NFATC1: variants seen among roughly 807,000 people sequenced by gnomAD.
NFATC1 encodes nuclear factor of activated T cells 1, also known as nuclear factor of activated T-cells, cytoplasmic 1.
NFATC1 carries 22 observed loss-of-function variants against 76.0 expected under a neutral mutation model. That is an observed-to-expected ratio of 0.29 (90% CI 0.21 to 0.41). The LOEUF is 0.41. Among genes scored for constraint, NFATC1 ranks in the 10% least tolerant of loss-of-function variants. NFATC1 has a pLI of 1.00. For synonymous variants in NFATC1, 704 were observed against 613.1 expected (o/e 1.15, Z -2.19); for missense variants, 1,357 against 1,337.7 (o/e 1.01, Z -0.23).
At chr18:79,415,338 A>G (rs2085840523) in intron 2 of NFATC1, among the ~76,000 whole-genome samples, 1 of 152,160 alleles carries the variant, frequency 6.6e-6, no homozygotes, top group South Asian at 2.1e-4. Context: ...ACTGGAGTGC[A>G]GTGGCACAAT....
chr18:79,490,147 C>T (rs1286387214), intron 9 of NFATC1, among the ~76,000 whole-genome samples: 1 of 152,190 alleles, frequency 6.6e-6, no homozygotes, highest in Non-Finnish European at 1.5e-5. Context: ...CACAGGCAGG[C>T]AGGCGGGGCG....
At chr18:79,484,404 C>T (rs2089435152) in intron 8 of NFATC1, among the ~76,000 whole-genome samples, 1 of 152,118 alleles carries the variant, frequency 6.6e-6, no homozygotes, top group Non-Finnish European at 1.5e-5. Context: ...TTCCTGCCTC[C>T]TGGACGTCCC....
At chr18:79,519,402 A>C (rs2090459610) in intron 9 of NFATC1, among the ~76,000 whole-genome samples, 1 of 152,036 alleles carries the variant, frequency 6.6e-6, no homozygotes, top group African/African-American at 2.4e-5. Context: ...GTACAATCTC[A>C]GCTCACTGCA....
intron 9 of NFATC1, among the ~76,000 whole-genome samples, chr18:79,511,326 C>T (rs140001588): frequency 4.5e-4 from 69 of 152,284 alleles, no homozygotes; most frequent in African/African-American, 1.5e-3. Flanking sequence ...CCGCTGCTTC[C>T]GCGTTGGGAG....
At chr18:79,475,533 A>G (rs181686070) in intron 8 of NFATC1, among the ~76,000 whole-genome samples, 1,987 of 135,802 alleles carry the variant, frequency 0.015, 76 homozygotes, top group African/African-American at 0.053. Context: ...CACCGTCGAC[A>G]CTGTAAACCT....
At chr18:79,412,961 G>A (rs1342495418) in intron 2 of NFATC1, among the ~76,000 whole-genome samples, 2 of 152,136 alleles carry the variant, frequency 1.3e-5, no homozygotes, top group Non-Finnish European at 2.9e-5. Context: ...GTCAGGACCC[G>A]GATTGTATTT....
Position 79,396,171 on chromosome 18 carries a change from G to A in NFATC1, c.-54G>A, listed in dbSNP as rs74183647. The A allele has an allele frequency of 1.4e-5, 20 of 1,398,016 alleles. No homozygotes were observed. The highest frequency in any genetic ancestry group is 1.9e-5 in the Non-Finnish European group (20 of 1,063,564). The allele number at this position is 1,398,016 out of a possible 1,614,324, so 86.6% of individuals were successfully genotyped here. On this transcript the variant is annotated 5_prime_UTR_variant, in exon 1 of 10. Transcript: ENST00000427363. ...GACCCGACCCCGGCAGCGCGGGGCG[G>A]CCGCTTCTCCTGTGCCTCCGCCCGC...
intron 9 of NFATC1, among the ~76,000 whole-genome samples, chr18:79,511,641 C>T (rs965104355): frequency 6.6e-6 from 1 of 152,174 alleles, no homozygotes; most frequent in Non-Finnish European, 1.5e-5. Flanking sequence ...CGCCAGGACA[C>T]GTCTGCGCCC....
intron 2 of NFATC1, among the ~76,000 whole-genome samples, chr18:79,415,872 G>C (rs1354922881): frequency 2.0e-5 from 3 of 151,976 alleles, no homozygotes; most frequent in Non-Finnish European, 2.9e-5. Flanking sequence ...GACCAGCCTG[G>C]CCAAATTGGC....
At position 79,506,264 on chromosome 18, in the gene NFATC1, G is replaced by A. The variant is rs549731159; in HGVS notation, c.2782+19327G>A. The stretch of plus-strand genomic sequence containing the variant: ...GTGGAGAGGAACAGTGGTCTCGGCC[G>A]AGCAGCGGCTGTGGGCACCTGCGTG... On this transcript the variant is annotated intron_variant, in intron 9 of 9. Coordinates refer to ENST00000427363, the MANE Select transcript of NFATC1 (RefSeq NM_001278669.2). Among the ~76,000 whole-genome samples, 42 of 152,314 alleles carry A rather than the reference G, an allele frequency of 2.8e-4. No individual in the cohort carries two copies. In the South Asian group the frequency reaches 5.0e-3, roughly 18 times the overall value.
intron 8 of NFATC1, among the ~76,000 whole-genome samples, chr18:79,481,874 TTCCTGGGGTGTCATTCCAGCGTGACCTGG>T (rs2089285544): frequency 6.7e-6 from 1 of 149,092 alleles, no homozygotes; most frequent in East Asian, 2.0e-4. Context: ...CGCGACCTTG[TTCCTGGGGTGTCATTCCAGCGTGACCTGG>T]TCCTGGGGTG....
chr18:79,451,330 G>T (rs940764644), intron 5 of NFATC1, among the ~76,000 whole-genome samples: 5 of 152,274 alleles, frequency 3.3e-5, no homozygotes, highest in Admixed American at 1.3e-4. Flanking sequence ...CCTGGCGCTG[G>T]CTCCTCTGAT....
chr18:79,428,347 C>T (rs989139244), intron 2 of NFATC1, among the ~76,000 whole-genome samples: 1 of 152,210 alleles, frequency 6.6e-6, no homozygotes, highest in African/African-American at 2.4e-5. Flanking sequence ...AAGATGCAAA[C>T]AGCAGGCCAG....
intron 9 of NFATC1, among the ~76,000 whole-genome samples, chr18:79,515,356 A>AAAAAT (rs2090353431): frequency 1.3e-5 from 2 of 150,886 alleles, no homozygotes; most frequent in Non-Finnish European, 3.0e-5. Context: ...AAAAAAAAAA[A>AAAAAT]AAGAAGGAAG....
In NFATC1 at chr18:79,414,007, G is replaced by C. The variant is rs1386098902; in HGVS notation, c.1226+2506G>C. Among the ~76,000 whole-genome samples the C allele has an allele frequency of 3.9e-5, 6 of 152,168 alleles. No individual in the cohort carries two copies. The East Asian group carries it at 9.6e-4, about 24-fold the overall frequency. ...AAATATGTCCCAAACTCGCTCCTGG[G>C]GTTTGCAGTTAACCTTTTCCCACTG... On this transcript the variant is annotated intron_variant, in intron 2 of 9. Coordinates refer to ENST00000427363, the MANE Select transcript of NFATC1 (RefSeq NM_001278669.2).
At chr18:79,452,838 A>AT (rs1429818904) in intron 6 of NFATC1, among the ~76,000 whole-genome samples, 2 of 152,002 alleles carry the variant, frequency 1.3e-5, no homozygotes, top group African/African-American at 4.8e-5. Context: ...GTTTTGTGAT[A>AT]TTTTTTTCCT....
intron 2 of NFATC1, among the ~76,000 whole-genome samples, chr18:79,423,605 G>A (rs2086177773): frequency 6.6e-6 from 1 of 152,170 alleles, no homozygotes. Flanking sequence ...CTGGACCTGG[G>A]ACTGCCTGGG....
At chr18:79,397,781 G>C (rs112781888) in intron 1 of NFATC1, among the ~76,000 whole-genome samples, 12,844 of 152,192 alleles carry the variant, frequency 0.084, 616 homozygotes, top group Middle Eastern at 0.21. Context: ...CTGTAGTAAG[G>C]AGCCCCTTTC....
chr18:79,510,373 G>A (rs1001049507), intron 9 of NFATC1, among the ~76,000 whole-genome samples: 3 of 152,308 alleles, frequency 2.0e-5, no homozygotes, highest in Middle Eastern at 6.8e-3. Flanking sequence ...TCAGAAAATC[G>A]GAGTAGGGAG....
Sources: allele counts gnomAD v4.1 joint callset (sites outside exome capture counted in the v4.1 genomes callset), GRCh38; gene constraint gnomAD v4.1.1; transcripts MANE v1.5; gene names NCBI Gene and HGNC (gene_info 2026-07-23, HGNC 2026-07-21).